The following PRKCE variants were observed in gnomAD, a reference collection of about 807,000 sequenced individuals.
The protein encoded by PRKCE is protein kinase C epsilon, also known as protein kinase C epsilon type.
A neutral mutation model predicts 85.4 loss-of-function variants in PRKCE; 16 were observed. That is an observed-to-expected ratio of 0.19 (90% confidence interval 0.13 to 0.28). The LOEUF (loss-of-function observed/expected upper bound fraction) is 0.28. Ranked by LOEUF, PRKCE falls within the 10% of genes least tolerant of loss-of-function variation. The pLI is 1.00. For missense variants in PRKCE, 573 were observed against 975.2 expected, an observed-to-expected ratio of 0.59 and a Z score of 5.49; for synonymous variants, 388 against 371.5, an observed-to-expected ratio of 1.04 and a Z score of -0.51.
rs150313649 is a variant in PRKCE, at chr2:45,928,609, G to A, written c.413-47820G>A. On this transcript the variant is annotated intron_variant, in intron 2 of 14. Transcript: ENST00000306156. Reference sequence around the variant, plus strand: ...TCTCTGGACGTACTGTTTCATTTTAGTCCTTCCACAACAATGTGTATAGAA... The same window carrying A: ...TCTCTGGACGTACTGTTTCATTTTAATCCTTCCACAACAATGTGTATAGAA... Among the ~76,000 whole-genome samples the A allele has an allele frequency of 3.9e-3, 595 of 152,266 alleles. 5 individuals are homozygous for A. Among genetic ancestry groups the A allele is most frequent in the African/African-American group, 0.014 (576 of 41,556 alleles).
intron 1 of PRKCE, among the ~76,000 whole-genome samples, chr2:45,737,442 T>C (rs1412210495): frequency 1.3e-5 from 2 of 152,130 alleles, no homozygotes; most frequent in East Asian, 1.9e-4. Flanking sequence ...TGTCCAGCCT[T>C]TGTGCGGGTG....
chr2:46,132,573 CTCT>C (rs1425994086), intron 11 of PRKCE, among the ~76,000 whole-genome samples: 3 of 152,126 alleles, frequency 2.0e-5, no homozygotes, highest in African/African-American at 7.2e-5. Flanking sequence ...AAGAGGAGGA[CTCT>C]TCTTAACCGG....
intron 1 of PRKCE, among the ~76,000 whole-genome samples, chr2:45,796,283 A>G (rs1193790143): frequency 6.6e-6 from 1 of 152,170 alleles, no homozygotes; most frequent in Non-Finnish European, 1.5e-5. Context: ...TTCAAACCCC[A>G]GCTCTCTCAC....
At chr2:46,163,425 A>G (rs1353114573) in intron 14 of PRKCE, among the ~76,000 whole-genome samples, 1 of 138,302 alleles carries the variant, frequency 7.2e-6, no homozygotes, top group African/African-American at 2.7e-5. Flanking sequence ...CACAGAGGCC[A>G]CTAAGAGACA....
At chr2:45,915,538 C>T (rs2103872079) in intron 2 of PRKCE, among the ~76,000 whole-genome samples, 1 of 152,232 alleles carries the variant, frequency 6.6e-6, no homozygotes, top group Middle Eastern at 3.4e-3. Flanking sequence ...TGGGTCTTTC[C>T]AGGAGCAAGT....
intron 1 of PRKCE, among the ~76,000 whole-genome samples, chr2:45,816,291 A>G (rs982550121): frequency 6.6e-6 from 1 of 152,080 alleles, no homozygotes; most frequent in South Asian, 2.1e-4. Flanking sequence ...AGGAGAATTC[A>G]TCCTAGATGA....
In PRKCE at chr2:45,817,507, C is replaced by A. The variant is rs1229022849; in HGVS notation, c.349-25493C>A. Among the ~76,000 whole-genome samples, 4 of 150,116 alleles carry A rather than the reference C, an allele frequency of 2.7e-5. No homozygotes were observed. The East Asian group carries it at 7.9e-4, about 29-fold the overall frequency. On this transcript the variant is annotated intron_variant, in intron 1 of 14. Transcript: ENST00000306156. ...AGGAGATCGAGACCATCCTGGCTAA[C>A]ACGGTGAAACCCCGTCTCTAATAAA...
chr2:46,007,468 A>C lies in PRKCE; in HGVS notation c.1070A>C (p.Lys357Thr). The change falls in exon 9 of 15, where the codon AAA (lysine) becomes ACA (threonine). Residue 357 changes from lysine to threonine, a missense_variant. Lys to Thr is a moderately conservative substitution (Grantham distance 78). Coordinates refer to ENST00000306156, the MANE Select transcript of PRKCE (RefSeq NM_005400.3). ...APTSPCDQEI[K>T]ELENNIRKAL... Reference sequence around the variant, plus strand: ...TTGTTCCCCTTGGCCCTAGAAATAAAAGAACTTGAGAACAACATTCGGAAA... The same window carrying C: ...TTGTTCCCCTTGGCCCTAGAAATAACAGAACTTGAGAACAACATTCGGAAA... 6.3e-7 allele frequency: 1 copy of C among 1,599,810 alleles called. No individual in the cohort carries two copies. The highest frequency in any genetic ancestry group is 8.5e-7 in the Non-Finnish European group (1 of 1,179,968).
chr2:45,992,626 T>C (rs1477647166), intron 6 of PRKCE, among the ~76,000 whole-genome samples: 1 of 152,198 alleles, frequency 6.6e-6, no homozygotes, highest in African/African-American at 2.4e-5. Context: ...AAGGGCCAAA[T>C]TACCCCAACA....
At chr2:45,938,477 C>T (rs1699637794) in intron 2 of PRKCE, among the ~76,000 whole-genome samples, 1 of 152,094 alleles carries the variant, frequency 6.6e-6, no homozygotes, top group Admixed American at 6.5e-5. Context: ...TATAGATATC[C>T]CTGCATTTTC....
At chr2:45,797,567 T>G (rs888367523) in intron 1 of PRKCE, among the ~76,000 whole-genome samples, 25 of 152,194 alleles carry the variant, frequency 1.6e-4, no homozygotes, top group African/African-American at 5.3e-4. Flanking sequence ...CCTTAATTAA[T>G]TCGCTCTGCA....
At chr2:46,062,338 T>C (rs932742446) in intron 10 of PRKCE, among the ~76,000 whole-genome samples, 3 of 152,192 alleles carry the variant, frequency 2.0e-5, no homozygotes, top group African/African-American at 7.2e-5. Context: ...TGTGTTCTGG[T>C]GACAGGTCAT....
chr2:45,724,803 G>A (rs1165726314), intron 1 of PRKCE, among the ~76,000 whole-genome samples: 2 of 152,202 alleles, frequency 1.3e-5, no homozygotes, highest in East Asian at 3.8e-4. Flanking sequence ...AGGTTGACAG[G>A]TAAGGAAGCT....
chr2:45,864,458 A>C (rs1184026797), intron 2 of PRKCE, among the ~76,000 whole-genome samples: 1 of 151,532 alleles, frequency 6.6e-6, no homozygotes, highest in Non-Finnish European at 1.5e-5. Context: ...GTTATTTTTC[A>C]CTTGAAAGAA....
chr2:46,057,958 C>T (rs1157461112), intron 10 of PRKCE, among the ~76,000 whole-genome samples: 3 of 152,226 alleles, frequency 2.0e-5, no homozygotes. Context: ...AGGCAAAAGC[C>T]ACTTGCCGGC....
chr2:45,908,538 T>A (rs905685663), intron 2 of PRKCE, among the ~76,000 whole-genome samples: 2 of 152,218 alleles, frequency 1.3e-5, no homozygotes, highest in African/African-American at 4.8e-5. Context: ...TGGCTGTGGC[T>A]TCTGCATTTC....
At chr2:46,085,385 A>C (rs1669496226) in intron 10 of PRKCE, among the ~76,000 whole-genome samples, 1 of 152,214 alleles carries the variant, frequency 6.6e-6, no homozygotes, top group Admixed American at 6.5e-5. Context: ...GCCTCAACAA[A>C]TTACTGCAAA....
chr2:46,059,944 A>G (rs1666947086), intron 10 of PRKCE, among the ~76,000 whole-genome samples: 1 of 152,212 alleles, frequency 6.6e-6, no homozygotes, highest in Non-Finnish European at 1.5e-5. Flanking sequence ...CATTCTAGAG[A>G]TTATCCAGGA....
In PRKCE at chr2:45,819,119, C is replaced by A. The variant is rs796214354; in HGVS notation, c.349-23881C>A. On this transcript the variant is annotated intron_variant, in intron 1 of 14. Coordinates refer to ENST00000306156, the MANE Select transcript of PRKCE (RefSeq NM_005400.3). ...ATTAATAACCAGGGAGATGCTGCTG[C>A]TGATGCTGATGGTAAATATTTACTC... Among the ~76,000 whole-genome samples, 3 of 152,186 alleles carry A rather than the reference C, an allele frequency of 2.0e-5. No individual in the cohort carries two copies. In the South Asian group the frequency reaches 6.2e-4, roughly 32 times the overall value.
Sources: allele counts gnomAD v4.1 joint callset (sites outside exome capture counted in the v4.1 genomes callset), GRCh38; gene constraint gnomAD v4.1.1; transcripts MANE v1.5; gene names NCBI Gene and HGNC (gene_info 2026-07-23, HGNC 2026-07-21).